The following KCNIP1 variants were observed in gnomAD, a reference collection of about 807,000 sequenced individuals.
KCNIP1 encodes A-type potassium channel modulatory protein KCNIP1.
KCNIP1 carries 18 observed loss-of-function variants against 33.0 expected under a neutral mutation model. That is an observed-to-expected ratio of 0.55 (90% confidence interval 0.38 to 0.81). The LOEUF is 0.81. Ranked by LOEUF, KCNIP1 falls within the 30% of genes least tolerant of loss-of-function variation. KCNIP1 has a pLI of 0.00. For synonymous variants in KCNIP1, 93 were observed against 98.3 expected, an observed-to-expected ratio of 0.95 and a Z score of 0.32; for missense variants, 238 against 271.6, an observed-to-expected ratio of 0.88 and a Z score of 0.87.
At chr5:170,383,466 G>T in intron 1 of KCNIP1, 1 of 630,620 alleles carries the variant, frequency 1.6e-6, no homozygotes, top group Non-Finnish European at 2.9e-6. Flanking sequence ...TAAGTGGCCT[G>T]CCTATGTTTA....
chr5:170,472,848 C>T (rs116082697), intron 1 of KCNIP1, among the ~76,000 whole-genome samples: 1,741 of 152,214 alleles, frequency 0.011, 14 homozygotes, highest in Non-Finnish European at 0.02. Context: ...ACATTTGGGT[C>T]GGTTCCACGA....
chr5:170,491,482 C>A (rs1202522160), intron 1 of KCNIP1, among the ~76,000 whole-genome samples: 2 of 152,154 alleles, frequency 1.3e-5, no homozygotes, highest in Non-Finnish European at 2.9e-5. Flanking sequence ...CTCCAGTGCT[C>A]ATATTTCCTC....
At chr5:170,492,741 G>C (rs1428534664) in intron 1 of KCNIP1, among the ~76,000 whole-genome samples, 1 of 149,192 alleles carries the variant, frequency 6.7e-6, no homozygotes, top group East Asian at 2.0e-4. Flanking sequence ...GGGAGACAGA[G>C]ACCAAATATC....
intron 1 of KCNIP1, among the ~76,000 whole-genome samples, chr5:170,458,989 A>G (rs1370811269): frequency 6.6e-6 from 1 of 152,222 alleles, no homozygotes; most frequent in Non-Finnish European, 1.5e-5. Flanking sequence ...AAGGACACAA[A>G]TAAACTTAAG....
At position 170,508,287 on chromosome 5, in the gene KCNIP1, T is replaced by C. The variant is rs990967265; in HGVS notation, c.61+3654T>C. On this transcript the variant is annotated intron_variant, in intron 1 of 7. Transcript: ENST00000328939. ...GAGCTATGACTCAACCCCATGGCTATCAGATGCTTTTTCTAAGGCCACACG... is the reference window on the plus strand; with the variant it reads ...GAGCTATGACTCAACCCCATGGCTACCAGATGCTTTTTCTAAGGCCACACG... Among the ~76,000 whole-genome samples the C allele has an allele frequency of 6.6e-5, 10 of 152,288 alleles. No homozygotes were observed. The East Asian group carries it at 1.7e-3, about 26-fold the overall frequency.
At chr5:170,647,562 GC>G (rs1452544652) in intron 1 of KCNIP1, among the ~76,000 whole-genome samples, 1 of 151,080 alleles carries the variant, frequency 6.6e-6, no homozygotes, top group Non-Finnish European at 1.5e-5. Context: ...AGAACAACTG[GC>G]CATCCACATT....
At chr5:170,475,723 A>G (rs78941917) in intron 1 of KCNIP1, among the ~76,000 whole-genome samples, 3,738 of 152,106 alleles carry the variant, frequency 0.025, 166 homozygotes, top group African/African-American at 0.084. Flanking sequence ...CAAAGCCAAA[A>G]CAGACTGATT....
At chr5:170,461,326 G>C (rs2113106064) in intron 1 of KCNIP1, among the ~76,000 whole-genome samples, 1 of 152,186 alleles carries the variant, frequency 6.6e-6, no homozygotes, top group East Asian at 1.9e-4. Context: ...AATTCACATG[G>C]AAGCAAAAAA....
rs144941021 is a variant in KCNIP1 at position 170,549,674 on chromosome 5, T to C, written c.61+45041T>C. Among the ~76,000 whole-genome samples the C allele has an allele frequency of 7.4e-3, 1,131 of 152,344 alleles. 19 individuals carry two copies. Among genetic ancestry groups the C allele is most frequent in the African/African-American group, 0.026 (1,069 of 41,580 alleles). On this transcript the variant is annotated intron_variant, in intron 1 of 7. Transcript: ENST00000328939. The stretch of plus-strand genomic sequence containing the variant: ...ATGAAAAGTCCTTTATGTTGAAATA[T>C]GCTTAAGAAATATTATATGCTTGAA...
At chr5:170,680,634 A>T (rs1392245703) in intron 1 of KCNIP1, 1 of 152,032 alleles carries the variant, frequency 6.6e-6, no homozygotes, top group Non-Finnish European at 1.5e-5. Context: ...TGTCCCTTTG[A>T]AAAAGCATCT....
chr5:170,579,767 C>T (rs973378309), intron 1 of KCNIP1, among the ~76,000 whole-genome samples: 1 of 152,088 alleles, frequency 6.6e-6, no homozygotes, highest in African/African-American at 2.4e-5. Context: ...TGCTTGGAGG[C>T]GGGAAGCCCT....
chr5:170,425,592 C>T (rs1388950605), intron 1 of KCNIP1, among the ~76,000 whole-genome samples: 2 of 152,220 alleles, frequency 1.3e-5, no homozygotes, highest in Non-Finnish European at 2.9e-5. Flanking sequence ...ACAAGACATC[C>T]TTCTGTTGCC....
rs112971398 is a variant in KCNIP1, at chr5:170,542,474, C to T, written c.61+37841C>T. On this transcript the variant is annotated intron_variant, in intron 1 of 7. Coordinates refer to ENST00000328939, the MANE Select transcript of KCNIP1 (RefSeq NM_014592.4). Reference sequence around the variant, plus strand: ...AGTAATTGTCAGAAACAGAAAGTGTCGAGACTCAACCCTGCATGGAAAAGA... The same window carrying T: ...AGTAATTGTCAGAAACAGAAAGTGTTGAGACTCAACCCTGCATGGAAAAGA... 9.0e-3 allele frequency among the ~76,000 whole-genome samples: 1,365 copies of T among 152,176 alleles called. 28 individuals are homozygous for T. The highest frequency in any genetic ancestry group is 0.031 in the African/African-American group (1,293 of 41,478).
intron 1 of KCNIP1, among the ~76,000 whole-genome samples, chr5:170,710,258 C>A (rs952216556): frequency 6.6e-6 from 1 of 152,194 alleles, no homozygotes; most frequent in African/African-American, 2.4e-5. Flanking sequence ...TAATCTGTGT[C>A]AAACCCACTT....
chr5:170,603,255 G>A (rs914314796), intron 1 of KCNIP1, among the ~76,000 whole-genome samples: 6 of 152,300 alleles, frequency 3.9e-5, no homozygotes, highest in East Asian at 1.9e-4. Flanking sequence ...TCAAAGTGTC[G>A]CTGGAGGTTC....
intron 1 of KCNIP1, among the ~76,000 whole-genome samples, chr5:170,591,978 G>A (rs1006683540): frequency 3.3e-5 from 5 of 152,086 alleles, no homozygotes; most frequent in African/African-American, 1.2e-4. Flanking sequence ...CAGAATTCTT[G>A]GATCATATGG....
intron 1 of KCNIP1, among the ~76,000 whole-genome samples, chr5:170,468,027 T>A (rs1002227776): frequency 6.6e-6 from 1 of 152,164 alleles, no homozygotes; most frequent in African/African-American, 2.4e-5. Context: ...TACACACTTG[T>A]AATGTTTAAG....
intron 1 of KCNIP1, among the ~76,000 whole-genome samples, chr5:170,653,046 G>A (rs369389045): frequency 6.6e-6 from 1 of 152,220 alleles, no homozygotes; most frequent in Non-Finnish European, 1.5e-5. Context: ...ACACAGCTGG[G>A]TCGGGGGAAG....
At chr5:170,378,477 G>A in intron 1 of KCNIP1, 1 of 558,768 alleles carries the variant, frequency 1.8e-6, no homozygotes, top group Middle Eastern at 4.7e-4. Context: ...GAACTGGCTG[G>A]CCTTATGGCC....
Sources: gnomAD v4.1 joint callset for allele counts (sites outside exome capture counted in the v4.1 genomes callset) on GRCh38, gnomAD v4.1.1 for gene constraint, MANE v1.5 for transcripts, NCBI Gene and HGNC (gene_info 2026-07-23, HGNC 2026-07-21) for gene names.